The following BRWD1 variants were observed in gnomAD, a reference collection of about 807,000 sequenced individuals.
BRWD1 encodes the protein bromodomain and WD repeat domain containing 1, also known as bromodomain and WD repeat-containing protein 1.
In BRWD1, 82 loss-of-function variants were observed where a neutral mutation model predicts 251.2. That is an observed-to-expected ratio of 0.33 (90% CI 0.27 to 0.39). The LOEUF (loss-of-function observed/expected upper bound fraction) is 0.39. BRWD1 is among the 10% of genes least tolerant of loss of function. The probability of loss-of-function intolerance (pLI) is 1.00; values close to 1 mark genes in which losing one functional copy is unlikely to be tolerated. For missense variants in BRWD1, 2,233 were observed against 2,711.6 expected, an observed-to-expected ratio of 0.82 and a Z score of 3.92; for synonymous variants, 918 against 902.8, an observed-to-expected ratio of 1.02 and a Z score of -0.30.
downstream of BRWD1, chr21:39,184,928 G>A (rs1451890342): frequency 6.6e-6 from 1 of 152,020 alleles, no homozygotes; most frequent in Admixed American, 6.6e-5. Context: ...TTGTTAATTT[G>A]TCATTTTTAC....
chr21:39,268,331 T>C (rs2410121), intron 15 of BRWD1, among the ~76,000 whole-genome samples: 140,700 of 151,804 alleles, frequency 0.93, 65,549 homozygotes, highest in African/African-American at 0.97. Context: ...ATCCCAGCTA[T>C]TCGGGAGGCT....
intron 8 of BRWD1, among the ~76,000 whole-genome samples, chr21:39,289,526 T>A (rs1325954163): frequency 6.6e-6 from 1 of 152,132 alleles, no homozygotes; most frequent in Non-Finnish European, 1.5e-5. Flanking sequence ...TGGGATCACA[T>A]CCCCACCTAA....
chr21:39,314,438 G>A (rs1019892699), upstream of BRWD1: 2 of 423,062 alleles, frequency 4.7e-6, no homozygotes, highest in East Asian at 1.4e-4. Flanking sequence ...ACGGGACTGT[G>A]GGGAGAGGGT....
At chr21:39,303,030 T>A (rs2146778942) in intron 4 of BRWD1, among the ~76,000 whole-genome samples, 1 of 151,818 alleles carries the variant, frequency 6.6e-6, no homozygotes, top group South Asian at 2.1e-4. Context: ...CCACACTCCA[T>A]CCTGCACAAC....
rs535663532 is a variant in BRWD1, at chr21:39,268,211, G to A, written c.1530+1688C>T. On this transcript the variant is annotated intron_variant, in intron 15 of 40. Transcript: ENST00000342449. ...AATAATTATATTGGGAGGCCGAGGCGGGTGATCACTTGAAGTCAGGAGTTC... is the reference window on the plus strand; with the variant it reads ...AATAATTATATTGGGAGGCCGAGGCAGGTGATCACTTGAAGTCAGGAGTTC... Among the ~76,000 whole-genome samples, 5 of 151,980 alleles carry A rather than the reference G, an allele frequency of 3.3e-5. No homozygotes were observed. In the South Asian group the frequency reaches 8.3e-4, roughly 25 times the overall value.
intron 1 of BRWD1, 23 bp downstream of exon 1, chr21:39,313,420 G>A: frequency 2.1e-6 from 3 of 1,441,796 alleles, no homozygotes; most frequent in Non-Finnish European, 2.7e-6. Flanking sequence ...CCAGGGCGGG[G>A]GTGGCACGGC....
intron 15 of BRWD1, among the ~76,000 whole-genome samples, chr21:39,267,867 C>G (rs1359408715): frequency 6.6e-6 from 1 of 151,742 alleles, no homozygotes; most frequent in Non-Finnish European, 1.5e-5. Context: ...AATTTATACT[C>G]AAAAATACAT....
At chr21:39,205,387 G>C (rs2032339631) in intron 37 of BRWD1, among the ~76,000 whole-genome samples, 1 of 152,194 alleles carries the variant, frequency 6.6e-6, no homozygotes, top group Non-Finnish European at 1.5e-5. Context: ...TGAGGTGAGA[G>C]GGACTGCTTG....
At chr21:39,284,743 G>A (rs1263784629) in intron 8 of BRWD1, among the ~76,000 whole-genome samples, 3 of 152,100 alleles carry the variant, frequency 2.0e-5, no homozygotes, top group South Asian at 2.1e-4. Context: ...AAATGTCTAC[G>A]CAGGTCTTTT....
chr21:39,200,454 A>G (rs2032053764), intron 38 of BRWD1, 68 bp from the exon 39 acceptor site: 6 of 1,321,176 alleles, frequency 4.5e-6, no homozygotes, highest in African/African-American at 4.4e-5. Context: ...CAAGCAGTTC[A>G]TAACATTACT....
At chr21:39,273,731 G>A (rs1299134957) in intron 13 of BRWD1, among the ~76,000 whole-genome samples, 1 of 152,178 alleles carries the variant, frequency 6.6e-6, no homozygotes, top group Non-Finnish European at 1.5e-5. Flanking sequence ...TCCAGCCTGG[G>A]CGATGGAGTG....
chr21:39,312,731 A>C lies in BRWD1; in HGVS notation c.198+110T>G, dbSNP rs993212749. 78 of 703,862 alleles carry C rather than the reference A, an allele frequency of 1.1e-4. 4 individuals are homozygous for C. Among genetic ancestry groups the C allele is most frequent in the African/African-American group, 9.1e-4 (49 of 53,650 alleles). 43.6% of individuals were successfully genotyped at this position (703,862 alleles called of 1,614,324 possible). A position where few individuals can be genotyped will look rare whatever the true frequency, so the allele number is the denominator to read the frequency against. The stretch of plus-strand genomic sequence containing the variant: ...CGCAGCTATCCCCGGGCCGCCCCCC[A>C]GTGCGGGTCACACTTTGCACCCCAC... On this transcript the variant is annotated intron_variant, in intron 4 of 40. Coordinates refer to ENST00000342449, the MANE Select transcript of BRWD1 (RefSeq NM_033656.4).
chr21:39,196,866 G>A lies in BRWD1; in HGVS notation c.6203C>T (p.Thr2068Ile), dbSNP rs1158150629. The A allele has an allele frequency of 6.2e-7, 1 of 1,613,734 alleles. No homozygotes were observed. Among genetic ancestry groups the A allele is most frequent in the East Asian group, 2.2e-5 (1 of 44,880 alleles). Residue 2068 changes from threonine to isoleucine, a missense_variant, in exon 41 of 41, where the codon ACA becomes ATA. This residue lies in a region of BRWD1 where 928 missense variants were observed against 970.0 expected (regional missense o/e 0.96). Coordinates refer to ENST00000342449, the MANE Select transcript of BRWD1 (RefSeq NM_033656.4). ...SHIPGSETDR[T>I]FSSESTLAQK... ...TGCCAAGGTTGACTCTGAAGAAAATGTCCTATCAGTCTCACTCCCTGGAAT... is the reference window on the plus strand; with the variant it reads ...TGCCAAGGTTGACTCTGAAGAAAATATCCTATCAGTCTCACTCCCTGGAAT...
rs2031456973 is a variant in BRWD1 at position 39,189,914 on chromosome 21, C to T, written c.*6345G>A. 1.0e-6 allele frequency: 1 copy of T among 985,226 alleles called. No individual in the cohort carries two copies. Among genetic ancestry groups the T allele is most frequent in the Admixed American group, 6.2e-5 (1 of 16,248 alleles). The allele number at this position is 985,226 out of a possible 1,614,324, so 61.0% of individuals were successfully genotyped here. A position where few individuals can be genotyped will look rare whatever the true frequency, so the allele number is the denominator to read the frequency against. The stretch of plus-strand genomic sequence containing the variant: ...ATACTAAGAAGTCAGTAGAATCCCA[C>T]CAGTCCTACTGCCTCAGATGAGTCT... On this transcript the variant is annotated 3_prime_UTR_variant, in exon 41 of 41. Transcript: ENST00000342449.
At chr21:39,221,478 A>C (rs76100848) in intron 29 of BRWD1, among the ~76,000 whole-genome samples, 2,096 of 150,816 alleles carry the variant, frequency 0.014, 46 homozygotes, top group African/African-American at 0.048. Flanking sequence ...ATAAAAACTG[A>C]AGACACAGCA....
chr21:39,288,653 GA>G (rs1465640230), intron 8 of BRWD1, among the ~76,000 whole-genome samples: 1 of 152,032 alleles, frequency 6.6e-6, no homozygotes, highest in East Asian at 1.9e-4. Context: ...CCAATTGCAT[GA>G]ACAGTCAATT....
intron 29 of BRWD1, among the ~76,000 whole-genome samples, chr21:39,221,857 T>C (rs567074308): frequency 9.7e-4 from 147 of 151,496 alleles, no homozygotes; most frequent in African/African-American, 3.2e-3. Flanking sequence ...TGAGTCGCGA[T>C]TGCACCACTG....
chr21:39,198,964 T>A lies in BRWD1; in HGVS notation c.5452A>T (p.Ile1818Phe). ...TCAGAGTCTTCTGAGTCACTCAGAA[T>A]CTTGGTTTTTTTAAAGAAACTCGCA... is the stretch of plus-strand genomic sequence containing the variant. The part of the protein sequence containing the change: ...KNASFFKKTK[I>F]LSDSEDSESE... Residue 1818 changes from isoleucine to phenylalanine, a missense_variant, in exon 40 of 41, where the codon ATT becomes TTT. Physicochemically the swap from Ile to Phe is conservative, Grantham distance 21. Transcript: ENST00000342449. The A allele has an allele frequency of 6.2e-7, 1 of 1,614,078 alleles. No individual in the cohort carries two copies. Among genetic ancestry groups the A allele is most frequent in the Non-Finnish European group, 8.5e-7 (1 of 1,179,996 alleles).
Position 39,270,300 on chromosome 21 carries a change from G to C in BRWD1, c.1378C>G (p.Leu460Val), listed in dbSNP as rs775505813. 3 of 1,598,534 alleles carry C rather than the reference G, an allele frequency of 1.9e-6. No homozygotes were observed. Among genetic ancestry groups the C allele is most frequent in the East Asian group, 4.5e-5 (2 of 44,380 alleles). The change falls in exon 14 of 41, where the codon CTG becomes GTG. Residue 460 changes from leucine (L) to valine (V), a missense_variant. Physicochemically the swap from Leu to Val is conservative, Grantham distance 32 (BLOSUM62 1). Around this residue, in one of 12 missense-constraint regions of BRWD1, gnomAD observed 315 missense variants for 421.8 expected, o/e 0.75. Transcript: ENST00000342449. ...TTACCTACCATTAAGTTATGAAGCAGTTGTCCAGTGTAAGAATTCCACACT... is the reference window on the plus strand; with the variant it reads ...TTACCTACCATTAAGTTATGAAGCACTTGTCCAGTGTAAGAATTCCACACT... ...LKVWNSYTGQ[L>V]LHNLMGHADE...
Sources: gnomAD v4.1 joint callset for allele counts (sites outside exome capture counted in the v4.1 genomes callset) on GRCh38, gnomAD v4.1.1 for gene constraint, gnomAD v4.1.1 regional missense constraint, MANE v1.5 for transcripts, NCBI Gene and HGNC (gene_info 2026-07-23, HGNC 2026-07-21) for gene names.